The following VEPH1 variants were observed in gnomAD, a reference collection of about 807,000 sequenced individuals.
VEPH1 encodes ventricular zone expressed PH domain containing 1.
In VEPH1, 80 loss-of-function variants were observed where a neutral mutation model predicts 85.2. The observed-to-expected ratio is 0.94, with a 90% confidence interval of 0.78 to 1.13. VEPH1 has a LOEUF of 1.13. VEPH1 is among the 50% of genes most tolerant of loss of function. The probability of loss-of-function intolerance (pLI) is 0.00; values close to 1 mark genes in which losing one functional copy is unlikely to be tolerated. For synonymous variants in VEPH1, 297 were observed against 348.0 expected (o/e 0.85, Z 1.63); for missense variants, 955 against 980.5 (o/e 0.97, Z 0.35).
At chr3:157,464,572 AC>A (rs1736186886) in intron 3 of VEPH1, among the ~76,000 whole-genome samples, 1 of 152,180 alleles carries the variant, frequency 6.6e-6, no homozygotes, top group Non-Finnish European at 1.5e-5. Flanking sequence ...ATAGAAATAG[AC>A]TTTCTCGTGG....
intron 9 of VEPH1, among the ~76,000 whole-genome samples, chr3:157,320,898 T>G (rs1293461017): frequency 6.6e-6 from 1 of 152,150 alleles, no homozygotes; most frequent in African/African-American, 2.4e-5. Context: ...CACGATGCCA[T>G]TTATATGCCG....
intron 6 of VEPH1, among the ~76,000 whole-genome samples, chr3:157,403,994 T>TTGG (rs1166750461): frequency 6.6e-6 from 1 of 152,166 alleles, no homozygotes; most frequent in Non-Finnish European, 1.5e-5. Context: ...TCAATGCTGC[T>TTGG]GGTCCGGACA....
chr3:157,274,879 T>C (rs1715183629), intron 12 of VEPH1, among the ~76,000 whole-genome samples: 1 of 152,228 alleles, frequency 6.6e-6, no homozygotes, highest in Non-Finnish European at 1.5e-5. Flanking sequence ...TTTACAAGAC[T>C]GTAAACTTCC....
intron 6 of VEPH1, among the ~76,000 whole-genome samples, chr3:157,398,166 G>A (rs1318816278): frequency 2.0e-5 from 3 of 152,118 alleles, no homozygotes; most frequent in African/African-American, 4.8e-5. Context: ...CCCTGATCAC[G>A]TACATACCAC....
intron 5 of VEPH1, among the ~76,000 whole-genome samples, chr3:157,418,050 T>C (rs146164150): frequency 6.6e-6 from 1 of 152,182 alleles, no homozygotes; most frequent in African/African-American, 2.4e-5. Context: ...ACTGTCGGCA[T>C]GGCTTGTTCT....
In VEPH1 at chr3:157,414,038, T is replaced by C. The variant is rs1170585605; in HGVS notation, c.749A>G (p.His250Arg). ...GAGGATGTTTAGGATGATGTCATTA[T>C]GGGTTGAATCCTTCAAATGCCCAAT... ...FLIGHLKDST[H>R]NDIILNILIE... Residue 250 changes from histidine (H) to arginine (R), a missense_variant, in exon 6 of 14, where the codon CAT becomes CGT. By Grantham distance (29) the His-to-Arg change is conservative (BLOSUM62 0). Coordinates refer to ENST00000362010, the MANE Select transcript of VEPH1 (RefSeq NM_001167912.2). 2.3e-5 allele frequency: 37 copies of C among 1,613,304 alleles called. No homozygotes were observed. The highest frequency in any genetic ancestry group is 3.0e-5 in the Non-Finnish European group (35 of 1,179,682).
chr3:157,370,763 T>G (rs1051256198), intron 7 of VEPH1, among the ~76,000 whole-genome samples: 3 of 152,160 alleles, frequency 2.0e-5, no homozygotes, highest in African/African-American at 7.2e-5. Flanking sequence ...ACTCCATGGT[T>G]TACTTCATTT....
At chr3:157,430,825 T>C (rs2048610802) in intron 4 of VEPH1, among the ~76,000 whole-genome samples, 1 of 152,230 alleles carries the variant, frequency 6.6e-6, no homozygotes, top group Non-Finnish European at 1.5e-5. Flanking sequence ...TTATTAGAAA[T>C]TATCTCAAAA....
chr3:157,387,769 C>A (rs7617727), intron 6 of VEPH1, among the ~76,000 whole-genome samples: 101,867 of 152,036 alleles, frequency 0.67, 34,467 homozygotes, highest in East Asian at 0.79. Flanking sequence ...TCTAATGCCA[C>A]GTAAATCTCT....
chr3:157,469,941 A>G (rs1736764560), intron 3 of VEPH1, among the ~76,000 whole-genome samples: 2 of 152,166 alleles, frequency 1.3e-5, no homozygotes, highest in Admixed American at 1.3e-4. Flanking sequence ...ACTGCCCCTC[A>G]GTTCATTTTC....
chr3:157,328,009 A>G (rs56333827), intron 9 of VEPH1, among the ~76,000 whole-genome samples: 36,442 of 152,000 alleles, frequency 0.24, 4,872 homozygotes, highest in South Asian at 0.34. Flanking sequence ...AGACTTTCCT[A>G]TTTACCAGCT....
chr3:157,304,038 T>TATATATATATACACACACACACACACAC, intron 11 of VEPH1, among the ~76,000 whole-genome samples: 6 of 96,896 alleles, frequency 6.2e-5, no homozygotes, highest in Non-Finnish European at 1.4e-4. Context: ...TATATATATA[T>TATATATATATACACACACACACACACAC]ACACACATAC....
chr3:157,407,872 G>A (rs1050725440), intron 6 of VEPH1, among the ~76,000 whole-genome samples: 1 of 152,116 alleles, frequency 6.6e-6, no homozygotes, highest in Non-Finnish European at 1.5e-5. Context: ...ACAAACCTAA[G>A]AGGTGAATAA....
rs761229597 is a variant in VEPH1, at chr3:157,381,284, G to A, written c.999C>T (p.Ser333=). 5.6e-6 allele frequency: 9 copies of A among 1,614,202 alleles called. No homozygotes were observed. The South Asian group carries it at 8.8e-5, about 16-fold the overall frequency. The change falls in exon 7 of 14, where the codon AGC becomes AGT. Residue 333 remains serine, a synonymous_variant. Transcript: ENST00000362010. ...FHHILLLEIK[S]ITDTFSSILG... is the part of the protein sequence containing the mutation. ...AGATTGAGGAGAAGGTGTCGGTGATGCTTTTAATCTCCAGCAGGAGAATAT... is the reference window on the plus strand; with the variant it reads ...AGATTGAGGAGAAGGTGTCGGTGATACTTTTAATCTCCAGCAGGAGAATAT...
At chr3:157,287,229 G>C (rs1219075612) in intron 11 of VEPH1, among the ~76,000 whole-genome samples, 2 of 152,034 alleles carry the variant, frequency 1.3e-5, no homozygotes, top group Non-Finnish European at 2.9e-5. Flanking sequence ...AAAAACATTA[G>C]CCAGGCATGG....
chr3:157,413,626 C>T (rs1403513869), intron 6 of VEPH1: 1 of 985,198 alleles, frequency 1.0e-6, no homozygotes, highest in South Asian at 4.7e-5. Flanking sequence ...TCCACATAAC[C>T]CTGCTACTTG....
chr3:157,448,994 A>G (rs1734748932), intron 4 of VEPH1, among the ~76,000 whole-genome samples: 3 of 152,064 alleles, frequency 2.0e-5, no homozygotes, highest in Non-Finnish European at 4.4e-5. Flanking sequence ...CTACCTCCTC[A>G]TACTCTCTTG....
chr3:157,311,518 A>G (rs1287315772), intron 11 of VEPH1, among the ~76,000 whole-genome samples: 1 of 152,248 alleles, frequency 6.6e-6, no homozygotes, highest in African/African-American at 2.4e-5. Flanking sequence ...TAAATTTGCC[A>G]CATAATGTAC....
chr3:157,358,260 A>T (rs1031581474), intron 9 of VEPH1, among the ~76,000 whole-genome samples: 1 of 152,198 alleles, frequency 6.6e-6, no homozygotes, highest in Non-Finnish European at 1.5e-5. Context: ...TAAGTAAGGT[A>T]ATCCAAGAAA....
Sources: allele counts gnomAD v4.1 joint callset (sites outside exome capture counted in the v4.1 genomes callset), GRCh38; gene constraint gnomAD v4.1.1; transcripts MANE v1.5; gene names NCBI Gene and HGNC (gene_info 2026-07-23, HGNC 2026-07-21).